ADAM33: variants seen among roughly 807,000 people sequenced by gnomAD.
ADAM33 encodes disintegrin and metalloproteinase domain-containing protein 33.
A neutral mutation model predicts 106.2 loss-of-function variants in ADAM33; 103 were observed. The ratio of observed to expected loss-of-function variants is 0.97; its 90% CI spans 0.83 to 1.14. The LOEUF (loss-of-function observed/expected upper bound fraction) is 1.14, where lower values mean the gene tolerates loss of function less well. Among genes scored for constraint, ADAM33 ranks in the 50% most tolerant of loss-of-function variants. The pLI, the probability that ADAM33 is intolerant of heterozygous loss-of-function variation, is 0.00. For synonymous variants in ADAM33, 483 were observed against 453.0 expected, an observed-to-expected ratio of 1.07 and a Z score of -0.84; for missense variants, 1,120 against 1,096.6, an observed-to-expected ratio of 1.02 and a Z score of -0.30.
chr20:3,673,981 C>A (rs1204729420), intron 8 of ADAM33, 70 bp from the exon 9 acceptor site: 15 of 1,603,036 alleles, frequency 9.4e-6, no homozygotes, highest in Non-Finnish European at 1.3e-5. Flanking sequence ...GTGGGGCGCC[C>A]TTCCTCTTCC....
At position 3,669,062 on chromosome 20, in the gene ADAM33, G is replaced by T. The variant is rs932335729; in HGVS notation, c.2405-62C>A. ...GGGGCCCCAGGCTGCAAGCTGTGTG[G>T]CAGAGAGCCCATCCTCACTCAGTGA... is the stretch of plus-strand genomic sequence containing the variant. On this transcript the variant is annotated intron_variant, in intron 21 of 21. Coordinates refer to ENST00000356518, the MANE Select transcript of ADAM33 (RefSeq NM_025220.5). 8.3e-6 allele frequency: 13 copies of T among 1,567,238 alleles called. 1 individual carries two copies. The Admixed American group carries it at 8.3e-5, about 10-fold the overall frequency.
chr20:3,674,360 AG>A, intron 6 of ADAM33, 76 bp from the exon 7 acceptor site: 2 of 1,608,626 alleles, frequency 1.2e-6, no homozygotes, highest in Non-Finnish European at 1.7e-6. Flanking sequence ...AGCTCCCAGA[AG>A]GAAGTTTAAC....
chr20:3,675,126 G>A lies in ADAM33; in HGVS notation c.255-21C>T, dbSNP rs1380249520. The A allele has an allele frequency of 2.5e-6, 4 of 1,582,494 alleles. No homozygotes were observed. The highest frequency in any genetic ancestry group is 2.2e-5 in the East Asian group (1 of 44,572). ...GCCTGCTGAGAGGGGGTGTTACAGG[G>A]AACACTGAATTCAGCTTCCTCCTGC... On this transcript the variant is annotated intron_variant, in intron 3 of 21. Coordinates refer to ENST00000356518, the MANE Select transcript of ADAM33 (RefSeq NM_025220.5). This position sits in a 1 kb window ranked among gnomAD's most constrained non-coding sequence, Gnocchi z 4.1.
At chr20:3,673,143 C>T in intron 11 of ADAM33, 1 of 1,482,414 alleles carries the variant, frequency 6.7e-7, no homozygotes. Flanking sequence ...GTAACCTCGC[C>T]AGGTTACTCG....
chr20:3,680,817 G>T (rs746022513), intron 1 of ADAM33, among the ~76,000 whole-genome samples: 1 of 152,202 alleles, frequency 6.6e-6, no homozygotes, highest in African/African-American at 2.4e-5. Context: ...GGCCTTGCGC[G>T]CACGTGCTGG....
chr20:3,672,762 A>G lies in ADAM33; in HGVS notation c.1270T>C (p.Phe424Leu). Residue 424 changes from phenylalanine to leucine, a missense_variant, in exon 12 of 22, where the codon TTC becomes CTC. By Grantham distance (22) the Phe-to-Leu change is conservative. Transcript: ENST00000356518. ...PVPPALCGNG[F>L]VEAGEECDCG... ...TCACACTCCTCGCCCGCTTCCACGAAGCCGTTCCCGCAGAGCGCCGGCGGC... is the reference window on the plus strand; with the variant it reads ...TCACACTCCTCGCCCGCTTCCACGAGGCCGTTCCCGCAGAGCGCCGGCGGC... 1 of 1,569,146 alleles carries G rather than the reference A, an allele frequency of 6.4e-7. No homozygotes were observed. Among genetic ancestry groups the G allele is most frequent in the South Asian group, 1.2e-5 (1 of 86,148 alleles).
rs757213983 is a variant in ADAM33, at chr20:3,675,132, T to G, written c.255-27A>C. 2 of 1,555,932 alleles carry G rather than the reference T, an allele frequency of 1.3e-6. No individual in the cohort carries two copies. The highest frequency in any genetic ancestry group is 2.3e-5 in the South Asian group (2 of 88,282). ...TGAGAGGGGGTGTTACAGGGAACAC[T>G]GAATTCAGCTTCCTCCTGCCTCCTC... is the stretch of plus-strand genomic sequence containing the variant. On this transcript the variant is annotated intron_variant, in intron 3 of 21. Transcript: ENST00000356518. This position sits in a 1 kb window ranked among gnomAD's most constrained non-coding sequence, Gnocchi z 4.1.
intron 2 of ADAM33, among the ~76,000 whole-genome samples, chr20:3,678,433 CCA>C (rs2146453135): frequency 6.6e-6 from 1 of 152,266 alleles, no homozygotes; most frequent in Admixed American, 6.5e-5. Flanking sequence ...CAGAGTGACC[CCA>C]GTGTGTGTCC....
rs1374356489 is a variant in ADAM33, at chr20:3,672,517, T to A, written c.1401+20A>T. The A allele has an allele frequency of 6.2e-7, 1 of 1,611,528 alleles. No homozygotes were observed. Among genetic ancestry groups the A allele is most frequent in the Non-Finnish European group, 8.5e-7 (1 of 1,178,558 alleles). Reference sequence around the variant, plus strand: ...CCCAAGCTCCCCGAAACCCTCACCCTGAACCTTCCATGCCCTCACCAGGCA... The same window carrying A: ...CCCAAGCTCCCCGAAACCCTCACCCAGAACCTTCCATGCCCTCACCAGGCA... On this transcript the variant is annotated intron_variant, in intron 13 of 21. Coordinates refer to ENST00000356518, the MANE Select transcript of ADAM33 (RefSeq NM_025220.5).
intron 1 of ADAM33, 136 bp from the exon 2 acceptor site, chr20:3,679,707 G>A (rs138079694): frequency 1.4e-4 from 94 of 689,716 alleles, no homozygotes; most frequent in Middle Eastern, 4.0e-4. Flanking sequence ...CCTTCAACAC[G>A]CGTGGGCTCA....
At position 3,674,044 on chromosome 20, in the gene ADAM33, C is replaced by G. The variant is rs369331185; in HGVS notation, c.738+20G>C. On this transcript the variant is annotated intron_variant, in intron 8 of 21. Coordinates refer to ENST00000356518, the MANE Select transcript of ADAM33 (RefSeq NM_025220.5). ...TGCCGCCGCCACCCCCATCACCGCT[C>G]TCTCCCCGCCGCCCCCAACCTGGTC... The G allele has an allele frequency of 4.3e-6, 7 of 1,613,690 alleles. No homozygotes were observed. The African/African-American group carries it at 8.0e-5, about 18-fold the overall frequency.
In ADAM33 at chr20:3,668,311, A is replaced by G. The variant is rs1216533666; in HGVS notation, c.*652T>C. The G allele has an allele frequency of 6.5e-6, 1 of 152,894 alleles. No individual in the cohort carries two copies. The highest frequency in any genetic ancestry group is 2.4e-5 in the African/African-American group (1 of 41,434). The allele number at this position is 152,894 out of a possible 1,614,324, so 9.5% of individuals were successfully genotyped here. On this transcript the variant is annotated 3_prime_UTR_variant, in exon 22 of 22. Transcript: ENST00000356518. ...TCTTTCTTTTGACTTCTACTTTGGT[A>G]TCTTTTCTTAAATGGTTCCCTCTGT...
At chr20:3,677,541 C>CA (rs1379944544) in intron 2 of ADAM33, among the ~76,000 whole-genome samples, 1 of 152,184 alleles carries the variant, frequency 6.6e-6, no homozygotes, top group South Asian at 2.1e-4. Flanking sequence ...TAGCCATGGT[C>CA]AGGGCCTCCT....
chr20:3,669,702 G>A (rs181480224), intron 19 of ADAM33, 65 bp from the exon 20 acceptor site: 160 of 1,400,098 alleles, frequency 1.1e-4, no homozygotes, highest in Middle Eastern at 1.1e-3. Flanking sequence ...TTGCCTCCCC[G>A]CAGCATGGTG....
chr20:3,679,363 G>C lies in ADAM33; in HGVS notation c.177+129C>G, dbSNP rs1050345265. 5 of 888,696 alleles carry C rather than the reference G, an allele frequency of 5.6e-6. No individual in the cohort carries two copies. In the African/African-American group the frequency reaches 8.4e-5, roughly 15 times the overall value. 55.1% of individuals were successfully genotyped at this position (888,696 alleles called of 1,614,324 possible). On this transcript the variant is annotated intron_variant, in intron 2 of 21. Transcript: ENST00000356518. ...GCCCACTTGAGGGGCAGGGGAGGCA[G>C]GGGCCTATAGGAGTAGTGACTTGGT...
chr20:3,672,683 C>A (rs1452139715), intron 12 of ADAM33, 38 bp downstream of exon 12: 3 of 1,603,284 alleles, frequency 1.9e-6, no homozygotes, highest in Non-Finnish European at 2.6e-6. Flanking sequence ...CAGACCTGAG[C>A]GGAGAGGGCA....
intron 3 of ADAM33, among the ~76,000 whole-genome samples, chr20:3,676,718 C>G (rs1166714764): frequency 1.3e-5 from 2 of 152,204 alleles, no homozygotes; most frequent in South Asian, 2.1e-4. Context: ...GCATCTTGGT[C>G]CCTGCCATTC....
intron 1 of ADAM33, 138 bp downstream of exon 1, chr20:3,681,770 C>A (rs1186360304): frequency 2.3e-6 from 3 of 1,318,080 alleles, no homozygotes; most frequent in South Asian, 1.6e-5. Flanking sequence ...AGAGTCCCCA[C>A]GCCCTGACCT....
At chr20:3,672,355 A>T (rs926692856) in intron 13 of ADAM33, 26 bp from the exon 14 acceptor site, 2 of 1,606,520 alleles carry the variant, frequency 1.2e-6, no homozygotes, top group African/African-American at 2.7e-5. Flanking sequence ...GTGGTGGGGA[A>T]GGCAGAGAGA....
Sources: gnomAD v4.1 joint callset for allele counts (sites outside exome capture counted in the v4.1 genomes callset) on GRCh38, gnomAD v4.1.1 for gene constraint, Gnocchi (gnomAD v3.1) non-coding constraint, MANE v1.5 for transcripts, NCBI Gene and HGNC (gene_info 2026-07-23, HGNC 2026-07-21) for gene names.